Variants in TAF12 observed in about 807,000 individuals in gnomAD.
The protein encoded by TAF12 is TATA-box binding protein associated factor 12, also known as transcription initiation factor TFIID subunit 12.
Under a neutral mutation model 20.8 loss-of-function variants are expected in TAF12, and 3 were observed. That is an observed-to-expected ratio of 0.14 (90% CI 0.07 to 0.37). TAF12 has a LOEUF of 0.37. Ranked by LOEUF, TAF12 falls within the 10% of genes least tolerant of loss-of-function variation. The pLI is 1.00. For missense variants in TAF12, 131 were observed against 197.9 expected, an observed-to-expected ratio of 0.66 and a Z score of 2.03; for synonymous variants, 69 against 70.2, an observed-to-expected ratio of 0.98 and a Z score of 0.09.
chr1:28,620,129 GA>G (rs200204875), intron 2 of TAF12, among the ~76,000 whole-genome samples: 2 of 150,892 alleles, frequency 1.3e-5, no homozygotes, highest in Non-Finnish European at 3.0e-5. Flanking sequence ...AAGGAAAAAA[GA>G]AAAAAAATTT....
intron 1 of TAF12, among the ~76,000 whole-genome samples, chr1:28,622,605 A>G (rs1489839476): frequency 6.6e-6 from 1 of 152,044 alleles, no homozygotes; most frequent in African/African-American, 2.4e-5. Context: ...AAAATAAACT[A>G]GGGCCGCGTG....
chr1:28,617,131 G>T (rs1283465022), intron 3 of TAF12, among the ~76,000 whole-genome samples: 1 of 151,946 alleles, frequency 6.6e-6, no homozygotes, highest in Non-Finnish European at 1.5e-5. Context: ...AAAAAAAAAA[G>T]AATATTATAA....
intron 3 of TAF12, 45 bp downstream of exon 3, chr1:28,617,908 C>A: frequency 6.4e-7 from 1 of 1,561,224 alleles, no homozygotes. Flanking sequence ...CTATGCTATA[C>A]CGGTTCTCAG....
chr1:28,609,975 G>T (rs946734840), intron 4 of TAF12, among the ~76,000 whole-genome samples: 1 of 151,364 alleles, frequency 6.6e-6, no homozygotes, highest in Non-Finnish European at 1.5e-5. Flanking sequence ...TGTTGTGGGG[G>T]ATTATTTTTT....
intron 4 of TAF12, among the ~76,000 whole-genome samples, chr1:28,608,590 C>T (rs543078673): frequency 6.7e-6 from 1 of 150,144 alleles, no homozygotes; most frequent in Admixed American, 6.6e-5. Flanking sequence ...CCCGTCTCGA[C>T]TAAAAATACA....
upstream of TAF12, among the ~76,000 whole-genome samples, chr1:28,644,126 C>A (rs961166997): frequency 1.3e-5 from 2 of 151,996 alleles, no homozygotes; most frequent in Admixed American, 1.3e-4. Flanking sequence ...AGACCCAATT[C>A]CAGCATCTGT....
chr1:28,641,946 T>C (rs145552857), intron 1 of TAF12, among the ~76,000 whole-genome samples: 1 of 152,332 alleles, frequency 6.6e-6, no homozygotes, highest in African/African-American at 2.4e-5. Flanking sequence ...TGCCTCACTG[T>C]AATCCTAAGC....
rs141967316 is a variant in TAF12 at position 28,615,112 on chromosome 1, A to G, written c.247-1751T>C. Among the ~76,000 whole-genome samples, 56 of 152,228 alleles carry G rather than the reference A, an allele frequency of 3.7e-4. No individual in the cohort carries two copies. In the East Asian group the frequency reaches 0.011, roughly 29 times the overall value. ...TGACAGACACCTTGTCTCAAAAATA[A>G]ATAAATAAATAAATATATATATATG... On this transcript the variant is annotated intron_variant, in intron 3 of 5. Transcript: ENST00000373824.
At chr1:28,642,187 T>G (rs1037283443) in intron 1 of TAF12, among the ~76,000 whole-genome samples, 1 of 152,176 alleles carries the variant, frequency 6.6e-6, no homozygotes, top group African/African-American at 2.4e-5. Flanking sequence ...TGTTTGCATA[T>G]GGGCTTCCTA....
rs1668074891 is a variant in TAF12, at chr1:28,642,593, C to T, written c.-85+399G>A. 6.2e-6 allele frequency: 6 copies of T among 971,668 alleles called. No individual in the cohort carries two copies. The South Asian group carries it at 1.9e-4, about 31-fold the overall frequency. 60.2% of individuals were successfully genotyped at this position (971,668 alleles called of 1,614,324 possible). On this transcript the variant is annotated intron_variant, in intron 1 of 5. Transcript: ENST00000373824. ...CCCCGTTTCTGAATCCTTAGGAGCC[C>T]GGGTCTTCACTGTCCCGCTTCTGCC...
At chr1:28,630,864 T>C (rs1667593478) in intron 1 of TAF12, among the ~76,000 whole-genome samples, 1 of 151,108 alleles carries the variant, frequency 6.6e-6, no homozygotes, top group Admixed American at 6.6e-5. Flanking sequence ...GCCAAGATGG[T>C]GAAACCCTGT....
At chr1:28,620,273 A>G (rs1667172077) in intron 2 of TAF12, among the ~76,000 whole-genome samples, 5 of 150,956 alleles carry the variant, frequency 3.3e-5, no homozygotes, top group African/African-American at 4.9e-5. Flanking sequence ...AGCTGGGACT[A>G]CAGGTGTGCA....
intron 4 of TAF12, among the ~76,000 whole-genome samples, chr1:28,609,711 A>G (rs1335444942): frequency 6.9e-6 from 1 of 145,966 alleles, no homozygotes; most frequent in East Asian, 2.1e-4. Context: ...GGTCTCGAAC[A>G]CCTGACCTCA....
intron 4 of TAF12, among the ~76,000 whole-genome samples, chr1:28,612,269 A>G (rs1666884329): frequency 6.6e-6 from 1 of 151,644 alleles, no homozygotes; most frequent in African/African-American, 2.4e-5. Context: ...GACCAACATG[A>G]TGAAACCCTA....
chr1:28,613,197 C>A, intron 4 of TAF12, 50 bp downstream of exon 4: 2 of 1,500,012 alleles, frequency 1.3e-6, no homozygotes, highest in South Asian at 1.3e-5. Context: ...CCCTGGCAGT[C>A]CTGAAGAAGC....
chr1:28,629,769 T>C (rs1667557508), intron 1 of TAF12, among the ~76,000 whole-genome samples: 1 of 150,406 alleles, frequency 6.6e-6, no homozygotes, highest in African/African-American at 2.5e-5. Context: ...GCCTCTTGAG[T>C]AGCTGGGGCT....
chr1:28,638,456 T>G (rs1489767001), intron 1 of TAF12, among the ~76,000 whole-genome samples: 3 of 149,866 alleles, frequency 2.0e-5, no homozygotes, highest in Admixed American at 1.3e-4. Flanking sequence ...CCCAAAGTGC[T>G]GGGATTACAG....
At chr1:28,637,064 G>A (rs911290305) in intron 1 of TAF12, among the ~76,000 whole-genome samples, 2 of 152,104 alleles carry the variant, frequency 1.3e-5, no homozygotes, top group African/African-American at 4.8e-5. Flanking sequence ...CCATATAAGT[G>A]TTCTGTATGA....
rs1450967429 is a variant in TAF12 at position 28,617,985 on chromosome 1, G to T, written c.214C>A (p.Pro72Thr). ...KLQDLVREVD[P>T]NEQLDEDVEE... is the part of the protein sequence containing the mutation. ...ACATCTTCATCCAACTGCTCATTAG[G>T]ATCCACTTCTCTTACTAAGTCCTGT... The change falls in exon 3 of 6, where the codon CCT becomes ACT. Residue 72 changes from proline to threonine, a missense_variant. This residue lies in a region of TAF12 where 8 missense variants were observed against 35.6 expected (regional missense o/e 0.22). Coordinates refer to ENST00000373824, the MANE Select transcript of TAF12 (RefSeq NM_005644.4). The T allele has an allele frequency of 6.2e-7, 1 of 1,613,842 alleles. No individual in the cohort carries two copies. Among genetic ancestry groups the T allele is most frequent in the South Asian group, 1.1e-5 (1 of 91,018 alleles).
Sources: gnomAD v4.1 joint callset for allele counts (sites outside exome capture counted in the v4.1 genomes callset) on GRCh38, gnomAD v4.1.1 for gene constraint, gnomAD v4.1.1 regional missense constraint, MANE v1.5 for transcripts, NCBI Gene and HGNC (gene_info 2026-07-23, HGNC 2026-07-21) for gene names.